Variants in RBX1 observed in about 807,000 individuals in gnomAD.
RBX1 encodes ring-box 1.
For synonymous variants in RBX1, 48 were observed against 47.9 expected, an observed-to-expected ratio of 1.00 and a Z score of -0.01; for missense variants, 46 against 141.4, an observed-to-expected ratio of 0.33 and a Z score of 3.42.
chr22:40,970,564 G>A (rs973032211), intron 4 of RBX1, among the ~76,000 whole-genome samples: 1 of 151,994 alleles, frequency 6.6e-6, no homozygotes, highest in African/African-American at 2.4e-5. Flanking sequence ...TGAATTTTCA[G>A]TAAGATTGGG....
intron 3 of RBX1, among the ~76,000 whole-genome samples, chr22:40,964,916 T>G (rs2058349939): frequency 6.6e-6 from 1 of 152,204 alleles, no homozygotes; most frequent in African/African-American, 2.4e-5. Flanking sequence ...GGGCTGATAG[T>G]GGACCACATA....
At chr22:40,956,100 G>C (rs1350616858) in intron 2 of RBX1, among the ~76,000 whole-genome samples, 2 of 151,876 alleles carry the variant, frequency 1.3e-5, no homozygotes, top group African/African-American at 4.8e-5. Context: ...GTGTATATGT[G>C]TCTCTGGATA....
chr22:40,960,638 C>A (rs944281573), intron 2 of RBX1, among the ~76,000 whole-genome samples: 3 of 152,148 alleles, frequency 2.0e-5, no homozygotes, highest in African/African-American at 4.8e-5. Flanking sequence ...CATAGTCTTC[C>A]TCTAAGTTAG....
intron 1 of RBX1, among the ~76,000 whole-genome samples, chr22:40,951,954 T>C (rs879680254): frequency 3.6e-4 from 54 of 151,394 alleles, no homozygotes; most frequent in African/African-American, 1.2e-3. Context: ...TTTTTGAAGC[T>C]TGGGGTCCTC....
At chr22:40,953,777 G>A (rs894389548) in intron 2 of RBX1, 144 bp downstream of exon 2, 7 of 595,232 alleles carry the variant, frequency 1.2e-5, no homozygotes, top group South Asian at 3.4e-5. Context: ...CTGTTGGTGT[G>A]TTTGAAATAG....
chr22:40,953,652 A>G lies in RBX1; in HGVS notation c.157+19A>G. 1 of 1,554,866 alleles carries G rather than the reference A, an allele frequency of 6.4e-7. No individual in the cohort carries two copies. Among genetic ancestry groups the G allele is most frequent in the South Asian group, 1.1e-5 (1 of 89,724 alleles). On this transcript the variant is annotated intron_variant, in intron 2 of 4. Coordinates refer to ENST00000216225, the MANE Select transcript of RBX1 (RefSeq NM_014248.4). ...GATCTTTGTAAGTAATTGGAGGAGG[A>G]TGGGAGGAAGTTGAGAAGGTTGCAG...
intron 2 of RBX1, among the ~76,000 whole-genome samples, chr22:40,961,694 G>A (rs939926902): frequency 1.1e-4 from 16 of 151,756 alleles, no homozygotes; most frequent in Non-Finnish European, 2.2e-4. Flanking sequence ...GTGAGCCACC[G>A]GGCCTGGCCC....
intron 4 of RBX1, among the ~76,000 whole-genome samples, chr22:40,969,682 T>G (rs1453973909): frequency 6.6e-6 from 1 of 151,704 alleles, no homozygotes; most frequent in African/African-American, 2.4e-5. Context: ...GTCAGGAGTT[T>G]GAGACCAGCC....
chr22:40,954,681 C>A (rs1308324930), intron 2 of RBX1, among the ~76,000 whole-genome samples: 1 of 151,146 alleles, frequency 6.6e-6, no homozygotes, highest in East Asian at 1.9e-4. Context: ...CACTCACCTG[C>A]CTTTACAACT....
chr22:40,969,418 T>C (rs369386865), intron 4 of RBX1, among the ~76,000 whole-genome samples: 7 of 152,314 alleles, frequency 4.6e-5, no homozygotes, highest in African/African-American at 1.7e-4. Flanking sequence ...AATGTGTAGC[T>C]GTATCTGGAG....
chr22:40,963,966 C>A, intron 2 of RBX1, 81 bp from the exon 3 acceptor site: 1 of 1,027,964 alleles, frequency 9.7e-7, no homozygotes, highest in Non-Finnish European at 1.5e-6. Flanking sequence ...TAATTAACCA[C>A]TTGAGAATTG....
chr22:40,953,498 A>G (rs995230681), intron 1 of RBX1, 57 bp from the exon 2 acceptor site: 27 of 1,171,872 alleles, frequency 2.3e-5, no homozygotes, highest in Non-Finnish European at 3.1e-5. Flanking sequence ...GAGGTCCTAA[A>G]GAGTATGTGT....
Position 40,972,506 on chromosome 22 carries a change from C to A in RBX1, c.*18C>A. On this transcript the variant is annotated 3_prime_UTR_variant, in exon 5 of 5. Transcript: ENST00000216225. ...GGCACTAGGAAAAGACTTCTTCCAT[C>A]AAGCTTAATTGTTTTGTTATTCATT... is the stretch of plus-strand genomic sequence containing the variant. The A allele has an allele frequency of 6.3e-7, 1 of 1,591,846 alleles. No individual in the cohort carries two copies. The highest frequency in any genetic ancestry group is 8.6e-7 in the Non-Finnish European group (1 of 1,159,824).
intron 2 of RBX1, among the ~76,000 whole-genome samples, chr22:40,963,199 T>G (rs1400219102): frequency 1.3e-5 from 2 of 152,144 alleles, no homozygotes; most frequent in African/African-American, 4.8e-5. Context: ...TTAAATAGTT[T>G]CTCCTGAAGC....
intron 1 of RBX1, among the ~76,000 whole-genome samples, chr22:40,953,081 C>T (rs1316593115): frequency 6.6e-6 from 1 of 151,200 alleles, no homozygotes. Flanking sequence ...ACCTCCGTCC[C>T]CCAGATTCAA....
intron 1 of RBX1, among the ~76,000 whole-genome samples, chr22:40,953,030 G>T (rs371561576): frequency 8.2e-6 from 1 of 121,920 alleles, no homozygotes; most frequent in Non-Finnish European, 1.6e-5. Context: ...TCACTCTGTC[G>T]CCCAGGCTGG....
chr22:40,951,581 C>A, intron 1 of RBX1, 105 bp downstream of exon 1: 1 of 1,081,788 alleles, frequency 9.2e-7, no homozygotes, highest in Non-Finnish European at 1.3e-6. Context: ...CATTTCAGGG[C>A]GTTCCTGGGA....
In RBX1 at chr22:40,973,147, C is replaced by G. The variant is rs1319208498; in HGVS notation, c.*659C>G. ...TGACAGCAGTCCCCAACCTTTTTGC[C>G]ACCAGGGATTGGTTTCATGGAAGAC... is the stretch of plus-strand genomic sequence containing the variant. On this transcript the variant is annotated 3_prime_UTR_variant, in exon 5 of 5. Coordinates refer to ENST00000216225, the MANE Select transcript of RBX1 (RefSeq NM_014248.4). 1 of 152,124 alleles carries G rather than the reference C, an allele frequency of 6.6e-6. No homozygotes were observed. The highest frequency in any genetic ancestry group is 1.5e-5 in the Non-Finnish European group (1 of 68,084). 9.4% of individuals were successfully genotyped at this position (152,124 alleles called of 1,614,324 possible). A position where few individuals can be genotyped will look rare whatever the true frequency, so the allele number is the denominator to read the frequency against.
chr22:40,971,409 A>G (rs2058368750), intron 4 of RBX1, among the ~76,000 whole-genome samples: 1 of 152,226 alleles, frequency 6.6e-6, no homozygotes, highest in African/African-American at 2.4e-5. Flanking sequence ...CCAGAGTTCC[A>G]GTGCCCTAGT....
Sources: gnomAD v4.1 joint callset for allele counts (sites outside exome capture counted in the v4.1 genomes callset) on GRCh38, gnomAD v4.1.1 for gene constraint, MANE v1.5 for transcripts, NCBI Gene and HGNC (gene_info 2026-07-23, HGNC 2026-07-21) for gene names.